CACUL1: variants seen among roughly 807,000 people sequenced by gnomAD.
The protein encoded by CACUL1 is CDK2 associated cullin domain 1.
Under a neutral mutation model 45.2 loss-of-function variants are expected in CACUL1, and 13 were observed. The observed-to-expected ratio is 0.29, with a 90% CI of 0.19 to 0.46. The LOEUF is 0.46. Among genes scored for constraint, CACUL1 ranks in the 20% least tolerant of loss-of-function variants. The probability of loss-of-function intolerance (pLI) is 1.00; values close to 1 mark genes in which losing one functional copy is unlikely to be tolerated. For missense variants in CACUL1, 421 were observed against 471.4 expected (o/e 0.89, Z 0.99); for synonymous variants, 197 against 174.2 (o/e 1.13, Z -1.03).
intron 7 of CACUL1, among the ~76,000 whole-genome samples, chr10:118,689,003 T>G (rs1450062524): frequency 6.6e-6 from 1 of 152,182 alleles, no homozygotes; most frequent in African/African-American, 2.4e-5. Context: ...TCATCTTACA[T>G]GAAAAAGTGC....
chr10:118,689,400 A>G (rs1845240075), intron 7 of CACUL1, among the ~76,000 whole-genome samples: 2 of 152,256 alleles, frequency 1.3e-5, no homozygotes, highest in Admixed American at 1.3e-4. Context: ...TAGCACATGT[A>G]TAATAAAGTT....
At chr10:118,693,734 G>A (rs1299705998) in intron 6 of CACUL1, 15 of 456,670 alleles carry the variant, frequency 3.3e-5, no homozygotes, top group African/African-American at 3.0e-4. Context: ...TCACACTGCT[G>A]TAAAATTCTG....
At chr10:118,689,236 G>C (rs1468811529) in intron 7 of CACUL1, among the ~76,000 whole-genome samples, 1 of 152,130 alleles carries the variant, frequency 6.6e-6, no homozygotes, top group Non-Finnish European at 1.5e-5. Context: ...GCAGAGGCAG[G>C]CTCCCCATCA....
intron 5 of CACUL1, among the ~76,000 whole-genome samples, chr10:118,696,702 T>TGCGGCCCGCAG (rs1845326912): frequency 6.6e-6 from 1 of 152,246 alleles, no homozygotes; most frequent in African/African-American, 2.4e-5. Context: ...CTAGGCCGCA[T>TGCGGCCCGCAG]GCGGCCCGCA....
At chr10:118,705,024 A>C (rs1203954227) in intron 4 of CACUL1, among the ~76,000 whole-genome samples, 1 of 152,206 alleles carries the variant, frequency 6.6e-6, no homozygotes, top group African/African-American at 2.4e-5. Context: ...AAAAAATCCT[A>C]CATCAGTAGG....
chr10:118,682,786 C>T lies in CACUL1; in HGVS notation c.*3342G>A, dbSNP rs535926977. 4 of 152,780 alleles carry T rather than the reference C, an allele frequency of 2.6e-5. No individual in the cohort carries two copies. The East Asian group carries it at 7.7e-4, about 29-fold the overall frequency. 9.5% of individuals were successfully genotyped at this position (152,780 alleles called of 1,614,324 possible). On this transcript the variant is annotated 3_prime_UTR_variant, in exon 9 of 9. Transcript: ENST00000369151. ...GCACTGGAGATGGATGTGCAGTGTG[C>T]AGTGTTCACAGCCATGGACATCCAT...
intron 3 of CACUL1, among the ~76,000 whole-genome samples, chr10:118,728,316 T>TC (rs1845669788): frequency 1.0e-5 from 1 of 95,736 alleles, no homozygotes; most frequent in South Asian, 3.7e-4. Context: ...GAGTGACTTT[T>TC]CTTTTTTTTT....
At chr10:118,753,373 G>C (rs886296673) in intron 1 of CACUL1, among the ~76,000 whole-genome samples, 2 of 152,186 alleles carry the variant, frequency 1.3e-5, no homozygotes, top group African/African-American at 4.8e-5. Context: ...CAGCTAACTG[G>C]ACAAGTACAG....
chr10:118,686,967 A>G (rs753429578), intron 7 of CACUL1, among the ~76,000 whole-genome samples: 28 of 152,234 alleles, frequency 1.8e-4, no homozygotes, highest in Admixed American at 4.6e-4. Context: ...TTCTCAGACA[A>G]TAACAGAAAT....
At chr10:118,724,852 G>A (rs759172189) in intron 3 of CACUL1, among the ~76,000 whole-genome samples, 2 of 152,166 alleles carry the variant, frequency 1.3e-5, no homozygotes, top group African/African-American at 4.8e-5. Flanking sequence ...GCCTCAGAAA[G>A]AAACTAATTT....
intron 7 of CACUL1, among the ~76,000 whole-genome samples, chr10:118,687,200 G>A (rs1003611359): frequency 6.6e-6 from 1 of 151,944 alleles, no homozygotes; most frequent in Non-Finnish European, 1.5e-5. Context: ...TCTTCTCCAC[G>A]TGTAGTCCAG....
chr10:118,686,458 C>T (rs554623448), intron 8 of CACUL1, 140 bp downstream of exon 8: 14 of 745,252 alleles, frequency 1.9e-5, no homozygotes, highest in East Asian at 1.7e-4. Flanking sequence ...GCATGCAAAG[C>T]ATCCTGACCT....
intron 1 of CACUL1, among the ~76,000 whole-genome samples, chr10:118,739,916 A>G (rs571941594): frequency 4.0e-4 from 61 of 152,346 alleles, no homozygotes; most frequent in Non-Finnish European, 8.2e-4. Flanking sequence ...AAGCCCAGGC[A>G]GATGGATCAC....
chr10:118,745,842 A>G (rs1845838236), intron 1 of CACUL1, among the ~76,000 whole-genome samples: 1 of 152,138 alleles, frequency 6.6e-6, no homozygotes, highest in African/African-American at 2.4e-5. Context: ...AATGCCTACA[A>G]GTAAAAGTAG....
At chr10:118,730,498 T>A in intron 1 of CACUL1, 88 bp from the exon 2 acceptor site, 2 of 1,254,456 alleles carry the variant, frequency 1.6e-6, no homozygotes, top group Non-Finnish European at 2.2e-6. Flanking sequence ...CAAATTCCTC[T>A]CACTTACTCT....
At chr10:118,715,281 C>T (rs2119608544) in intron 3 of CACUL1, among the ~76,000 whole-genome samples, 1 of 152,206 alleles carries the variant, frequency 6.6e-6, no homozygotes, top group East Asian at 1.9e-4. Flanking sequence ...ATTTGATATA[C>T]ATACCACACC....
chr10:118,733,662 G>C (rs921883136), intron 1 of CACUL1, among the ~76,000 whole-genome samples: 6 of 152,184 alleles, frequency 3.9e-5, no homozygotes, highest in African/African-American at 1.4e-4. Context: ...AGATCCTCTT[G>C]TTAAGAGATA....
rs975847796 is a variant in CACUL1 at position 118,677,755 on chromosome 10, G to C, written c.*8373C>G. 6.6e-6 allele frequency: 1 copy of C among 152,202 alleles called. No homozygotes were observed. Among genetic ancestry groups the C allele is most frequent in the Non-Finnish European group, 1.5e-5 (1 of 68,038 alleles). The allele number at this position is 152,202 out of a possible 1,614,324, so 9.4% of individuals were successfully genotyped here. On this transcript the variant is annotated 3_prime_UTR_variant, in exon 9 of 9. Transcript: ENST00000369151. ...CACTTCATTTATTCACTGTATGCTA[G>C]ATGGGCATTTGGCTCCCTCCTTCAT...
chr10:118,715,842 T>C (rs899710720), intron 3 of CACUL1, among the ~76,000 whole-genome samples: 26 of 152,198 alleles, frequency 1.7e-4, no homozygotes, highest in African/African-American at 5.5e-4. Flanking sequence ...CAAGAAGGGA[T>C]GGAAGAGAAG....
Sources: gnomAD v4.1 joint callset for allele counts (sites outside exome capture counted in the v4.1 genomes callset) on GRCh38, gnomAD v4.1.1 for gene constraint, MANE v1.5 for transcripts, NCBI Gene and HGNC (gene_info 2026-07-23, HGNC 2026-07-21) for gene names.